The following CDH17 variants were observed in gnomAD, a reference collection of about 807,000 sequenced individuals.
CDH17 encodes the protein cadherin-17.
CDH17 carries 67 observed loss-of-function variants against 86.3 expected under a neutral mutation model. The ratio of observed to expected loss-of-function variants is 0.78; its 90% confidence interval spans 0.64 to 0.95. CDH17 has a LOEUF of 0.95. CDH17 is among the 40% of genes least tolerant of loss of function. CDH17 has a pLI of 0.00. For missense variants in CDH17, 993 were observed against 1,017.6 expected (o/e 0.98, Z 0.33); for synonymous variants, 367 against 366.4 (o/e 1.00, Z -0.02).
chr8:94,181,765 A>C (rs1412112614), intron 3 of CDH17, among the ~76,000 whole-genome samples: 1 of 151,870 alleles, frequency 6.6e-6, no homozygotes, highest in East Asian at 1.9e-4. Flanking sequence ...TAGCAAAGCA[A>C]GCAGAAGAAA....
At chr8:94,171,721 G>C (rs1344361600) in intron 7 of CDH17, among the ~76,000 whole-genome samples, 1 of 152,000 alleles carries the variant, frequency 6.6e-6, no homozygotes, top group Admixed American at 6.6e-5. Context: ...ACAGACTACT[G>C]TTATCTCTAT....
intron 17 of CDH17, among the ~76,000 whole-genome samples, chr8:94,130,420 T>C (rs77663339): frequency 0.013 from 1,958 of 152,290 alleles, 40 homozygotes; most frequent in African/African-American, 0.042. Context: ...TCTAAACTAA[T>C]AAGGCAATAG....
intron 15 of CDH17, among the ~76,000 whole-genome samples, chr8:94,144,992 G>T (rs962163409): frequency 3.3e-5 from 5 of 152,170 alleles, no homozygotes; most frequent in African/African-American, 1.2e-4. Context: ...TAAAATTAAA[G>T]AGGCTGAGCA....
intron 13 of CDH17, 137 bp downstream of exon 13, chr8:94,151,731 C>G (rs1812858957): frequency 1.7e-6 from 2 of 1,171,968 alleles, no homozygotes; most frequent in African/African-American, 1.5e-5. Context: ...TGACAGCTTC[C>G]TAAACCAAAG....
chr8:94,207,296 C>A (rs1367949003), intron 1 of CDH17, among the ~76,000 whole-genome samples: 1 of 152,132 alleles, frequency 6.6e-6, no homozygotes, highest in East Asian at 1.9e-4. Context: ...CCTACTTGAA[C>A]TTTCTCATGG....
intron 1 of CDH17, among the ~76,000 whole-genome samples, chr8:94,194,915 C>G (rs965182996): frequency 6.6e-6 from 1 of 152,220 alleles, no homozygotes; most frequent in African/African-American, 2.4e-5. Flanking sequence ...CATCTCAAAA[C>G]ATGCTCACAA....
At chr8:94,134,597 C>A (rs1006220315) in intron 15 of CDH17, among the ~76,000 whole-genome samples, 8 of 151,882 alleles carry the variant, frequency 5.3e-5, no homozygotes, top group Admixed American at 2.0e-4. Flanking sequence ...TTGATCTTTT[C>A]AAAAAACCAG....
At chr8:94,209,171 G>T (rs1814083618), upstream of CDH17, among the ~76,000 whole-genome samples, 2 of 151,930 alleles carry the variant, frequency 1.3e-5, no homozygotes. Context: ...CACAATTCAG[G>T]GAATGGATTT....
At chr8:94,144,542 A>C (rs1812702726) in intron 15 of CDH17, among the ~76,000 whole-genome samples, 1 of 152,174 alleles carries the variant, frequency 6.6e-6, no homozygotes, top group Non-Finnish European at 1.5e-5. Context: ...TTAAAAAGGC[A>C]TAGAGCTAAA....
rs1485936434 is a variant in CDH17 at position 94,130,970 on chromosome 8, G to C, written c.2190C>G (p.Thr730=). The change falls in exon 16 of 18, where the codon ACC becomes ACG. Residue 730 remains threonine, a synonymous_variant. Transcript: ENST00000027335. The stretch of plus-strand genomic sequence containing the variant: ...CCCTCTCCTCAAACTCTGTGTGCCT[G>C]GTAGACAGTCGGGCATGAGTACCTG... ...KINGTHARLS[T]RHTEFEEREY... is the part of the protein sequence containing the mutation. 1 of 1,600,698 alleles carries C rather than the reference G, an allele frequency of 6.2e-7. No homozygotes were observed. The highest frequency in any genetic ancestry group is 1.7e-5 in the Admixed American group (1 of 59,938).
At chr8:94,168,859 G>T (rs932923110) in intron 9 of CDH17, among the ~76,000 whole-genome samples, 7 of 152,050 alleles carry the variant, frequency 4.6e-5, no homozygotes, top group Admixed American at 4.6e-4. Context: ...GTTTCTAATG[G>T]CAAAAGTGAT....
At chr8:94,163,549 T>C (rs928405198) in intron 10 of CDH17, among the ~76,000 whole-genome samples, 7 of 152,370 alleles carry the variant, frequency 4.6e-5, no homozygotes, top group African/African-American at 1.7e-4. Flanking sequence ...CCTTCAGGTT[T>C]TAGGGCAGAA....
rs373335692 is a variant in CDH17, at chr8:94,155,780, A to G, written c.1552-3668T>C. On this transcript the variant is annotated intron_variant, in intron 12 of 17. Coordinates refer to ENST00000027335, the MANE Select transcript of CDH17 (RefSeq NM_004063.4). ...ATGGGGGATGGATTCGAGGTGATCCACACTGGGGCGGGAAGACTAGCTAGA... is the reference window on the plus strand; with the variant it reads ...ATGGGGGATGGATTCGAGGTGATCCGCACTGGGGCGGGAAGACTAGCTAGA... 4.1e-4 allele frequency among the ~76,000 whole-genome samples: 62 copies of G among 152,332 alleles called. No individual in the cohort carries two copies. The South Asian group carries it at 0.013, about 31-fold the overall frequency.
At chr8:94,131,468 C>T (rs1031672599) in intron 15 of CDH17, among the ~76,000 whole-genome samples, 4 of 152,138 alleles carry the variant, frequency 2.6e-5, no homozygotes, top group Admixed American at 1.3e-4. Flanking sequence ...CTAGAACTTC[C>T]TGAACAAAGC....
intron 1 of CDH17, among the ~76,000 whole-genome samples, chr8:94,197,618 G>T (rs978724712): frequency 6.6e-6 from 1 of 151,946 alleles, no homozygotes; most frequent in Non-Finnish European, 1.5e-5. Context: ...AGATCACAAG[G>T]TCAGCAGTTC....
chr8:94,212,219 G>T (rs375905775), upstream of CDH17, among the ~76,000 whole-genome samples: 1 of 152,118 alleles, frequency 6.6e-6, no homozygotes, highest in African/African-American at 2.4e-5. Flanking sequence ...GCAGTGGTGC[G>T]ATCTCGGCTC....
chr8:94,200,334 T>C (rs554677379), intron 1 of CDH17, among the ~76,000 whole-genome samples: 61 of 152,196 alleles, frequency 4.0e-4, no homozygotes, highest in African/African-American at 1.4e-3. Context: ...GGAAAAGAAT[T>C]GAAATAGATT....
At chr8:94,181,121 G>T (rs1586267000) in intron 3 of CDH17, among the ~76,000 whole-genome samples, 1 of 152,026 alleles carries the variant, frequency 6.6e-6, no homozygotes, top group South Asian at 2.1e-4. Context: ...TGATATAAGG[G>T]TCAATCCATC....
intron 13 of CDH17, 91 bp from the exon 14 acceptor site, chr8:94,148,965 A>T: frequency 2.0e-6 from 2 of 1,017,498 alleles, no homozygotes; most frequent in Non-Finnish European, 2.9e-6. Context: ...ATGTTTGTGC[A>T]TCCTTGAAAT....
Sources: gnomAD v4.1 joint callset for allele counts (sites outside exome capture counted in the v4.1 genomes callset) on GRCh38, gnomAD v4.1.1 for gene constraint, MANE v1.5 for transcripts, NCBI Gene and HGNC (gene_info 2026-07-23, HGNC 2026-07-21) for gene names.